The following GPC6 variants were observed in gnomAD, a reference collection of about 807,000 sequenced individuals.
GPC6 encodes glypican 6, also known as glypican-6.
GPC6 carries 14 observed loss-of-function variants against 55.2 expected under a neutral mutation model. The observed-to-expected ratio is 0.25, with a 90% CI of 0.17 to 0.40. The LOEUF (loss-of-function observed/expected upper bound fraction) is 0.40. GPC6 is among the 10% of genes least tolerant of loss of function. The pLI is 1.00. For synonymous variants in GPC6, 278 were observed against 259.6 expected, an observed-to-expected ratio of 1.07 and a Z score of -0.68; for missense variants, 641 against 708.5, an observed-to-expected ratio of 0.90 and a Z score of 1.08.
intron 1 of GPC6, among the ~76,000 whole-genome samples, chr13:93,252,980 CAG>C (rs1344492243): frequency 1.3e-5 from 2 of 152,170 alleles, no homozygotes; most frequent in Non-Finnish European, 2.9e-5. Context: ...TATAGACCAC[CAG>C]AGTTTATTGT....
intron 2 of GPC6, among the ~76,000 whole-genome samples, chr13:93,765,322 A>G (rs1885099748): frequency 3.3e-5 from 1 of 30,318 alleles, no homozygotes. Context: ...TGGTTTAAGT[A>G]TTAGAAATCT....
At chr13:94,180,004 G>C (rs189931896) in intron 4 of GPC6, among the ~76,000 whole-genome samples, 34 of 152,330 alleles carry the variant, frequency 2.2e-4, no homozygotes, top group African/African-American at 7.9e-4. Flanking sequence ...TCAATAGTGA[G>C]ATGAGTGAGC....
chr13:94,259,415 GT>G (rs996440609), intron 4 of GPC6, among the ~76,000 whole-genome samples: 12 of 152,316 alleles, frequency 7.9e-5, no homozygotes, highest in African/African-American at 2.9e-4. Context: ...AGTCTCTAAG[GT>G]GATCCAGTTA....
At chr13:94,104,854 G>A (rs564089109) in intron 4 of GPC6, among the ~76,000 whole-genome samples, 1 of 152,246 alleles carries the variant, frequency 6.6e-6, no homozygotes, top group South Asian at 2.1e-4. Context: ...ATGCTCATGG[G>A]TAGGAAGAAT....
chr13:94,399,685 A>G (rs1881046735), intron 8 of GPC6, among the ~76,000 whole-genome samples: 1 of 152,198 alleles, frequency 6.6e-6, no homozygotes, highest in Non-Finnish European at 1.5e-5. Context: ...CCTGCAAAAA[A>G]TTTTTGTGCT....
At position 94,404,364 on chromosome 13, in the gene GPC6, T is replaced by C. The variant is rs1191943204; in HGVS notation, c.*1147T>C. 1.3e-5 allele frequency: 2 copies of C among 152,186 alleles called. No homozygotes were observed. The highest frequency in any genetic ancestry group is 2.1e-4 in the South Asian group (1 of 4,824). 9.4% of individuals were successfully genotyped at this position (152,186 alleles called of 1,614,324 possible). ...TTCTTTCACTTTTTTAGTCTTAGTATGATCATCTATTTTTATATCTATGTA... is the reference window on the plus strand; with the variant it reads ...TTCTTTCACTTTTTTAGTCTTAGTACGATCATCTATTTTTATATCTATGTA... On this transcript the variant is annotated 3_prime_UTR_variant, in exon 9 of 9. Transcript: ENST00000377047.
At chr13:94,001,620 G>A (rs145182501) in intron 3 of GPC6, among the ~76,000 whole-genome samples, 7 of 152,234 alleles carry the variant, frequency 4.6e-5, no homozygotes, top group Admixed American at 2.0e-4. Flanking sequence ...AAATTGTTGT[G>A]CGTTGGCACA....
chr13:94,164,092 A>G (rs2138918051), intron 4 of GPC6, among the ~76,000 whole-genome samples: 1 of 152,338 alleles, frequency 6.6e-6, no homozygotes, highest in Admixed American at 6.5e-5. Context: ...ACTTTAGATC[A>G]CTGACCACCT....
chr13:94,090,818 C>G (rs1258632160), intron 4 of GPC6, among the ~76,000 whole-genome samples: 1 of 152,144 alleles, frequency 6.6e-6, no homozygotes, highest in African/African-American at 2.4e-5. Context: ...CTGTCTGTCT[C>G]TATTTAGCAC....
At chr13:93,619,820 T>A (rs1335736785) in intron 2 of GPC6, among the ~76,000 whole-genome samples, 1 of 152,206 alleles carries the variant, frequency 6.6e-6, no homozygotes, top group Admixed American at 6.5e-5. Context: ...TTTTGGTGTA[T>A]GAGTGTATTA....
intron 2 of GPC6, among the ~76,000 whole-genome samples, chr13:93,647,688 G>A (rs752355295): frequency 9.9e-5 from 15 of 152,144 alleles, no homozygotes; most frequent in Non-Finnish European, 1.9e-4. Flanking sequence ...TAACTGTCAC[G>A]TCAAATCACT....
intron 4 of GPC6, among the ~76,000 whole-genome samples, chr13:94,108,342 G>T (rs1231350824): frequency 6.6e-6 from 1 of 152,078 alleles, no homozygotes; most frequent in Non-Finnish European, 1.5e-5. Flanking sequence ...AAACTATGAG[G>T]ATTCAAGGGC....
At position 93,227,172 on chromosome 13, in the gene GPC6, C is replaced by A; in HGVS notation, c.-285C>A. 1 of 323,108 alleles carries A rather than the reference C, an allele frequency of 3.1e-6. No individual in the cohort carries two copies. Among genetic ancestry groups the A allele is most frequent in the Non-Finnish European group, 5.7e-6 (1 of 176,574 alleles). The allele number at this position is 323,108 out of a possible 1,614,324, so 20.0% of individuals were successfully genotyped here. ...GGTTTTTTAAACACTTCTTTTCCTT[C>A]TCTTCCTCGTTTTGATTGCACCGTT... On this transcript the variant is annotated 5_prime_UTR_variant, in exon 1 of 9. Coordinates refer to ENST00000377047, the MANE Select transcript of GPC6 (RefSeq NM_005708.5). The surrounding 1 kb of genome is among the most constrained non-coding windows in gnomAD (Gnocchi z 4.3).
At chr13:94,127,884 C>T (rs2138861886) in intron 4 of GPC6, among the ~76,000 whole-genome samples, 1 of 152,148 alleles carries the variant, frequency 6.6e-6, no homozygotes, top group South Asian at 2.1e-4. Flanking sequence ...TTCCTATCTG[C>T]TATCCAAGGC....
At chr13:93,847,686 C>T (rs1888236825) in intron 3 of GPC6, among the ~76,000 whole-genome samples, 1 of 152,122 alleles carries the variant, frequency 6.6e-6, no homozygotes, top group Non-Finnish European at 1.5e-5. Flanking sequence ...AGGATCTTCT[C>T]ATTAGGTGGG....
At chr13:93,444,195 C>CTTCTTTTTTTT (rs755978023) in intron 1 of GPC6, among the ~76,000 whole-genome samples, 10 of 110,642 alleles carry the variant, frequency 9.0e-5, no homozygotes, top group South Asian at 3.0e-4. Flanking sequence ...TGCAATTCTT[C>CTTCTTTTTTTT]TTTTTTTTTT....
At chr13:93,923,281 T>G (rs1159746049) in intron 3 of GPC6, among the ~76,000 whole-genome samples, 11 of 152,254 alleles carry the variant, frequency 7.2e-5, no homozygotes, top group African/African-American at 2.6e-4. Context: ...ATCTAAAATG[T>G]TAACAAATTT....
intron 3 of GPC6, among the ~76,000 whole-genome samples, chr13:93,913,969 T>G (rs1877150055): frequency 6.6e-6 from 1 of 152,240 alleles, no homozygotes; most frequent in Non-Finnish European, 1.5e-5. Context: ...TTCTGCATTC[T>G]ATGAATACCA....
intron 1 of GPC6, among the ~76,000 whole-genome samples, chr13:93,457,728 AAAG>A (rs139383022): frequency 0.22 from 33,308 of 152,030 alleles, 4,117 homozygotes; most frequent in Middle Eastern, 0.37. Flanking sequence ...ACTTAAATTC[AAAG>A]AAGTAGAGAA....
Sources: gnomAD v4.1 joint callset for allele counts (sites outside exome capture counted in the v4.1 genomes callset) on GRCh38, gnomAD v4.1.1 for gene constraint, Gnocchi (gnomAD v3.1) non-coding constraint, MANE v1.5 for transcripts, NCBI Gene and HGNC (gene_info 2026-07-23, HGNC 2026-07-21) for gene names.